Variants in ANKRD31 observed in about 807,000 individuals in gnomAD.
The protein encoded by ANKRD31 is ankyrin repeat domain 31.
Under a neutral mutation model 186.0 loss-of-function variants are expected in ANKRD31, and 147 were observed. The ratio of observed to expected loss-of-function variants is 0.79; its 90% CI spans 0.69 to 0.91. The LOEUF (loss-of-function observed/expected upper bound fraction) is 0.91. ANKRD31 is among the 40% of genes least tolerant of loss of function. The probability of loss-of-function intolerance (pLI) is 0.00; values close to 1 mark genes in which losing one functional copy is unlikely to be tolerated. For missense variants in ANKRD31, 1,986 were observed against 2,148.8 expected (o/e 0.92, Z 1.50); for synonymous variants, 673 against 736.4 (o/e 0.91, Z 1.39).
chr5:75,117,889 G>A (rs1377609615), intron 18 of ANKRD31, among the ~76,000 whole-genome samples: 3 of 152,046 alleles, frequency 2.0e-5, no homozygotes, highest in Non-Finnish European at 4.4e-5. Context: ...GGACATTAAT[G>A]TTTGCTTGAT....
chr5:75,134,829 G>A (rs1750421998), intron 17 of ANKRD31, among the ~76,000 whole-genome samples: 1 of 151,978 alleles, frequency 6.6e-6, no homozygotes, highest in Non-Finnish European at 1.5e-5. Flanking sequence ...GTGATCAAGT[G>A]GGCTTCATCC....
At chr5:75,148,901 AT>A (rs1751669731) in intron 12 of ANKRD31, among the ~76,000 whole-genome samples, 1 of 151,872 alleles carries the variant, frequency 6.6e-6, no homozygotes, top group South Asian at 2.1e-4. Flanking sequence ...CTCAGTATTT[AT>A]TTTCCCCACA....
At chr5:75,215,738 A>T (rs1297389199) in intron 3 of ANKRD31, among the ~76,000 whole-genome samples, 1 of 152,096 alleles carries the variant, frequency 6.6e-6, no homozygotes, top group East Asian at 1.9e-4. Flanking sequence ...GTATCTGTGA[A>T]TCTGGGAAGA....
intron 11 of ANKRD31, among the ~76,000 whole-genome samples, chr5:75,166,452 T>C (rs1039724727): frequency 2.0e-5 from 3 of 151,920 alleles, no homozygotes; most frequent in South Asian, 2.1e-4. Context: ...GCCTGGGTGA[T>C]AGGGGGAAAC....
intron 12 of ANKRD31, among the ~76,000 whole-genome samples, chr5:75,149,007 T>C (rs1240032815): frequency 2.0e-5 from 3 of 151,884 alleles, no homozygotes; most frequent in Non-Finnish European, 4.4e-5. Flanking sequence ...ATTAATTAGA[T>C]TATCATCTCC....
intron 10 of ANKRD31, 47 bp downstream of exon 10, chr5:75,188,446 A>T: frequency 6.7e-7 from 1 of 1,488,072 alleles, no homozygotes; most frequent in Non-Finnish European, 8.9e-7. Flanking sequence ...TTCAGCTGAA[A>T]CTACAAACCA....
At chr5:75,094,125 A>G (rs1434600868) in intron 22 of ANKRD31, among the ~76,000 whole-genome samples, 1 of 152,208 alleles carries the variant, frequency 6.6e-6, no homozygotes, top group Non-Finnish European at 1.5e-5. Context: ...ATTTGCCAAC[A>G]GTAGCACAAA....
At chr5:75,103,518 TA>T (rs1747081602) in intron 22 of ANKRD31, among the ~76,000 whole-genome samples, 1 of 152,204 alleles carries the variant, frequency 6.6e-6, no homozygotes, top group Non-Finnish European at 1.5e-5. Context: ...CAAAGGAATA[TA>T]AATTATTCTG....
chr5:75,092,139 C>T (rs894568171), intron 22 of ANKRD31, among the ~76,000 whole-genome samples: 3 of 152,126 alleles, frequency 2.0e-5, no homozygotes, highest in African/African-American at 4.8e-5. Context: ...AATCTCCTCC[C>T]GAAGGAACTA....
rs1227011336 is a variant in ANKRD31, at chr5:75,138,991, T to C, written c.3596-8A>G. The C allele has an allele frequency of 3.3e-6, 5 of 1,535,644 alleles. No individual in the cohort carries two copies. Among genetic ancestry groups the C allele is most frequent in the Non-Finnish European group, 4.4e-6 (5 of 1,146,220 alleles). On this transcript the variant is annotated splice_polypyrimidine_tract_variant and splice_region_variant and intron_variant, in intron 15 of 25. Coordinates refer to ENST00000506364, the MANE Select transcript of ANKRD31 (RefSeq NM_001372053.1). ...TCCTACCTGCTTTCATTCCTGTAAATTTGCCAAACAAGAGGTTTATTTTCT... is the reference window on the plus strand; with the variant it reads ...TCCTACCTGCTTTCATTCCTGTAAACTTGCCAAACAAGAGGTTTATTTTCT...
chr5:75,135,787 C>T lies in ANKRD31; in HGVS notation c.3876+2069G>A, dbSNP rs564226922. Among the ~76,000 whole-genome samples, 3 of 152,244 alleles carry T rather than the reference C, an allele frequency of 2.0e-5. No homozygotes were observed. The East Asian group carries it at 5.8e-4, about 29-fold the overall frequency. Reference sequence around the variant, plus strand: ...AACTATACAACAAGGCTACAGTAACCAAAACAGCATGGTACTGGCACCAAA... The same window carrying T: ...AACTATACAACAAGGCTACAGTAACTAAAACAGCATGGTACTGGCACCAAA... On this transcript the variant is annotated intron_variant, in intron 17 of 25. Transcript: ENST00000506364.
chr5:75,166,278 T>G (rs1197271802), intron 11 of ANKRD31, among the ~76,000 whole-genome samples: 1 of 152,150 alleles, frequency 6.6e-6, no homozygotes, highest in African/African-American at 2.4e-5. Flanking sequence ...AAGACCAGCT[T>G]GGTCAAACTG....
intron 12 of ANKRD31, among the ~76,000 whole-genome samples, chr5:75,149,477 A>G (rs1436251154): frequency 6.6e-6 from 1 of 151,962 alleles, no homozygotes; most frequent in Admixed American, 6.6e-5. Flanking sequence ...TGCATAATGA[A>G]GTATGACATT....
intron 6 of ANKRD31, among the ~76,000 whole-genome samples, chr5:75,196,688 G>C (rs186149037): frequency 1.1e-4 from 17 of 152,088 alleles, no homozygotes; most frequent in South Asian, 8.3e-4. Flanking sequence ...GAGGCCAAAG[G>C]ACAAGAGGTC....
intron 10 of ANKRD31, among the ~76,000 whole-genome samples, chr5:75,187,107 G>GTT (rs909491634): frequency 6.5e-5 from 4 of 61,808 alleles, no homozygotes; most frequent in South Asian, 6.8e-4. Context: ...CGGTGATTCT[G>GTT]TTTTGTGTGT....
intron 11 of ANKRD31, among the ~76,000 whole-genome samples, chr5:75,156,227 G>T (rs1300991231): frequency 2.6e-5 from 4 of 152,178 alleles, no homozygotes; most frequent in African/African-American, 9.6e-5. Flanking sequence ...TTTTAAAGAA[G>T]ATATATATCT....
At chr5:75,205,536 A>T (rs528749502) in intron 5 of ANKRD31, among the ~76,000 whole-genome samples, 1 of 152,196 alleles carries the variant, frequency 6.6e-6, no homozygotes, top group African/African-American at 2.4e-5. Flanking sequence ...TAGCACCCAC[A>T]TACTTGGTAT....
At chr5:75,078,127 A>G (rs1744809025) in intron 25 of ANKRD31, among the ~76,000 whole-genome samples, 1 of 152,136 alleles carries the variant, frequency 6.6e-6, no homozygotes, top group African/African-American at 2.4e-5. Context: ...CCAGAGTGAA[A>G]AAAATTAAGA....
intron 17 of ANKRD31, among the ~76,000 whole-genome samples, chr5:75,130,053 G>A (rs1327222626): frequency 6.6e-6 from 1 of 152,162 alleles, no homozygotes; most frequent in Non-Finnish European, 1.5e-5. Flanking sequence ...AAGATGGCGT[G>A]TCCAGAGTTT....
Sources: allele counts gnomAD v4.1 joint callset (sites outside exome capture counted in the v4.1 genomes callset), GRCh38; gene constraint gnomAD v4.1.1; transcripts MANE v1.5; gene names NCBI Gene and HGNC (gene_info 2026-07-23, HGNC 2026-07-21).